Variants in NECTIN1 observed in about 807,000 individuals in gnomAD.
The protein encoded by NECTIN1 is nectin cell adhesion molecule 1.
Under a neutral mutation model 48.0 loss-of-function variants are expected in NECTIN1, and 23 were observed. The ratio of observed to expected loss-of-function variants is 0.48; its 90% confidence interval spans 0.34 to 0.68. NECTIN1 has a LOEUF of 0.68. NECTIN1 is among the 30% of genes least tolerant of loss of function. The pLI, the probability that NECTIN1 is intolerant of heterozygous loss-of-function variation, is 0.01. For missense variants in NECTIN1, 591 were observed against 709.9 expected (o/e 0.83, Z 1.90); for synonymous variants, 270 against 288.9 (o/e 0.93, Z 0.66).
At chr11:119,675,582 A>G in intron 4 of NECTIN1, 1 of 392,724 alleles carries the variant, frequency 2.5e-6, no homozygotes, top group Non-Finnish European at 4.7e-6. Flanking sequence ...GTTCAAGGCC[A>G]GGGAACCACA....
At chr11:119,699,884 G>A (rs1472515807) in intron 1 of NECTIN1, among the ~76,000 whole-genome samples, 2 of 152,188 alleles carry the variant, frequency 1.3e-5, no homozygotes, top group African/African-American at 4.8e-5. Flanking sequence ...GGCCTCAGAA[G>A]ATGGGGCTGC....
At chr11:119,706,108 G>A (rs1865545347) in intron 1 of NECTIN1, among the ~76,000 whole-genome samples, 1 of 152,150 alleles carries the variant, frequency 6.6e-6, no homozygotes, top group Non-Finnish European at 1.5e-5. Context: ...CGCCAGCCAG[G>A]CCCTCGCTCC....
intron 4 of NECTIN1, chr11:119,676,787 G>A (rs1032627739): frequency 2.4e-6 from 1 of 414,900 alleles, no homozygotes; most frequent in Admixed American, 3.6e-5. Flanking sequence ...GGGTTGGGGT[G>A]GGAGTGACTC....
In NECTIN1 at chr11:119,648,355, GTGATGC is replaced by G. The variant is rs1565376713; in HGVS notation, c.1004-8349_1004-8344del. Among the ~76,000 whole-genome samples, 22 of 76,422 alleles carry G rather than the reference GTGATGC, an allele frequency of 2.9e-4. 1 individual carries two copies. Among genetic ancestry groups the G allele is most frequent in the African/African-American group, 6.3e-4 (13 of 20,552 alleles). The allele number at this position is 76,422 out of a possible 152,430, so 50.1% of individuals were successfully genotyped here. A position where few individuals can be genotyped will look rare whatever the true frequency, so the allele number is the denominator to read the frequency against. On this transcript the variant is annotated intron_variant, in intron 5 of 7. Coordinates refer to the NECTIN1 transcript ENST00000341398. ...GATGGTGGTGGTGATGCTGGTGGTG[GTGATGC>G]TGGTGATGGTGGTGATGGTGGTGGT...
At chr11:119,685,799 C>A (rs1428019989) in intron 1 of NECTIN1, among the ~76,000 whole-genome samples, 1 of 152,234 alleles carries the variant, frequency 6.6e-6, no homozygotes, top group Non-Finnish European at 1.5e-5. Flanking sequence ...CACCTGGACA[C>A]TGAGAGAGGC....
At chr11:119,707,409 T>A (rs767955509) in intron 1 of NECTIN1, among the ~76,000 whole-genome samples, 1 of 152,172 alleles carries the variant, frequency 6.6e-6, no homozygotes, top group Non-Finnish European at 1.5e-5. Context: ...CTCCACCTTC[T>A]CTTTTATGGC....
chr11:119,644,303 C>G lies in NECTIN1; in HGVS notation c.1004-4291G>C, dbSNP rs146787779. Among the ~76,000 whole-genome samples the G allele has an allele frequency of 5.1e-4, 78 of 152,340 alleles. No individual in the cohort carries two copies. The East Asian group carries it at 0.013, about 25-fold the overall frequency. ...TGGGGCTTCTCTGCTCTTCCAGGAA[C>G]AGCTCTACTGGATTCACTGAGGCCT... On this transcript the variant is annotated intron_variant, in intron 5 of 7. Coordinates refer to the NECTIN1 transcript ENST00000341398.
Position 119,662,826 on chromosome 11 carries a change from A to G in NECTIN1, c.*1921T>C, listed in dbSNP as rs1864690752. ...CAATTTTCTCCCCTAACTTCACCCT[A>G]TCCAGTACCCCAAATGTGTAGAGGG... On this transcript the variant is annotated 3_prime_UTR_variant, in exon 6 of 6. Transcript: ENST00000264025. This position sits in a 1 kb window ranked among gnomAD's most constrained non-coding sequence, Gnocchi z 5.3. 1.0e-6 allele frequency: 1 copy of G among 985,938 alleles called. No individual in the cohort carries two copies. The highest frequency in any genetic ancestry group is 1.7e-5 in the African/African-American group (1 of 57,200). The allele number at this position is 985,938 out of a possible 1,614,324, so 61.1% of individuals were successfully genotyped here. A position where few individuals can be genotyped will look rare whatever the true frequency, so the allele number is the denominator to read the frequency against.
intron 1 of NECTIN1, among the ~76,000 whole-genome samples, chr11:119,685,524 C>G (rs2135557767): frequency 6.6e-6 from 1 of 152,360 alleles, no homozygotes; most frequent in East Asian, 1.9e-4. Context: ...TCCAGCAGGA[C>G]AGGCTGGGGT....
intron 1 of NECTIN1, among the ~76,000 whole-genome samples, chr11:119,685,741 A>T (rs1458813833): frequency 2.0e-5 from 3 of 152,154 alleles, no homozygotes; most frequent in African/African-American, 7.2e-5. Context: ...AGCCTTCAAG[A>T]CATCACCTCT....
At chr11:119,697,866 T>C (rs1222653005) in intron 1 of NECTIN1, among the ~76,000 whole-genome samples, 2 of 152,218 alleles carry the variant, frequency 1.3e-5, no homozygotes, top group East Asian at 1.9e-4. Flanking sequence ...CATTATAAGT[T>C]CTCAACAAAT....
chr11:119,692,293 G>A (rs980117564), intron 1 of NECTIN1, among the ~76,000 whole-genome samples: 18 of 152,340 alleles, frequency 1.2e-4, no homozygotes, highest in Admixed American at 9.1e-4. Context: ...GCCCAGCTGC[G>A]GATGCAGCTC....
chr11:119,664,389 G>A lies in NECTIN1; in HGVS notation c.*358C>T, dbSNP rs1470083343. On this transcript the variant is annotated 3_prime_UTR_variant, in exon 6 of 6. Transcript: ENST00000264025. ...GAAACACAAACAAATTCCAGTGTAG[G>A]GGGGCGGGGGAGGCTGGCTCCCCAA... is the stretch of plus-strand genomic sequence containing the variant. The A allele has an allele frequency of 7.5e-6, 8 of 1,070,266 alleles. No individual in the cohort carries two copies. Among genetic ancestry groups the A allele is most frequent in the East Asian group, 1.3e-4 (2 of 14,826 alleles). 66.3% of individuals were successfully genotyped at this position (1,070,266 alleles called of 1,614,324 possible).
intron 1 of NECTIN1, among the ~76,000 whole-genome samples, chr11:119,710,893 T>G (rs991729711): frequency 6.6e-6 from 1 of 152,018 alleles, no homozygotes; most frequent in African/African-American, 2.4e-5. Context: ...CACGCACAAC[T>G]TCACACACAC....
chr11:119,695,952 C>T (rs1199998625), intron 1 of NECTIN1, among the ~76,000 whole-genome samples: 1 of 152,194 alleles, frequency 6.6e-6, no homozygotes, highest in African/African-American at 2.4e-5. Flanking sequence ...AGGTGTCTTA[C>T]ATGAGGTTAT....
intron 1 of NECTIN1, among the ~76,000 whole-genome samples, chr11:119,717,314 C>T (rs1040160382): frequency 6.6e-5 from 10 of 152,256 alleles, no homozygotes; most frequent in South Asian, 2.1e-4. Flanking sequence ...CTATCCATCA[C>T]GCCAGTGGAG....
intron 1 of NECTIN1, among the ~76,000 whole-genome samples, chr11:119,714,569 C>A (rs1164087715): frequency 1.3e-5 from 2 of 152,176 alleles, no homozygotes; most frequent in Non-Finnish European, 2.9e-5. Context: ...GAATGCTCCA[C>A]ATCCCCGCTG....
Position 119,674,744 on chromosome 11 carries a change from C to T in NECTIN1, c.1003+415G>A, listed in dbSNP as rs906829. The T allele has an allele frequency of 6.4e-5, 103 of 1,609,766 alleles. 2 individuals are homozygous for T. In the Admixed American group the frequency reaches 1.7e-3, roughly 26 times the overall value. Reference sequence around the variant, plus strand: ...GTCTCCCTGCTTGAGGTAAGCCTCACTTTCTGGCCCATGAAGAGGTCCTTG... The same window carrying T: ...GTCTCCCTGCTTGAGGTAAGCCTCATTTTCTGGCCCATGAAGAGGTCCTTG... On this transcript the variant is annotated intron_variant, in intron 5 of 5. Transcript: ENST00000264025.
rs868046585 is a variant in NECTIN1 at position 119,674,374 on chromosome 11, T to C, written c.1003+785A>G. On this transcript the variant is annotated intron_variant, in intron 5 of 5. Transcript: ENST00000264025. ...ATGCTTCCATTAATAATAATGATGA[T>C]GATGGAGGTCAGGGTAATAATCACG... 9 of 1,469,332 alleles carry C rather than the reference T, an allele frequency of 6.1e-6. No individual in the cohort carries two copies. In the Middle Eastern group the frequency reaches 1.5e-3, roughly 252 times the overall value. 91.0% of individuals were successfully genotyped at this position (1,469,332 alleles called of 1,614,324 possible).
Sources: allele counts gnomAD v4.1 joint callset (sites outside exome capture counted in the v4.1 genomes callset), GRCh38; gene constraint gnomAD v4.1.1; non-coding constraint Gnocchi (gnomAD v3.1); transcripts MANE v1.5; gene names NCBI Gene and HGNC (gene_info 2026-07-23, HGNC 2026-07-21).